The following CDH18 variants were observed in gnomAD, a reference collection of about 807,000 sequenced individuals.
CDH18 encodes cadherin 18.
CDH18 carries 31 observed loss-of-function variants against 67.9 expected under a neutral mutation model. The ratio of observed to expected loss-of-function variants is 0.46; its 90% CI spans 0.34 to 0.62. The LOEUF (loss-of-function observed/expected upper bound fraction) is 0.62. Among genes scored for constraint, CDH18 ranks in the 20% least tolerant of loss-of-function variants. CDH18 has a pLI of 0.01. For missense variants in CDH18, 890 were observed against 975.5 expected (o/e 0.91, Z 1.17); for synonymous variants, 362 against 347.2 (o/e 1.04, Z -0.48).
chr5:20,540,486 A>G (rs769330125), intron 1 of CDH18, among the ~76,000 whole-genome samples: 1 of 152,184 alleles, frequency 6.6e-6, no homozygotes, highest in African/African-American at 2.4e-5. Context: ...ATGTCTATAT[A>G]TGATGTAATA....
At chr5:19,703,228 G>A (rs1437799622) in intron 5 of CDH18, among the ~76,000 whole-genome samples, 6 of 152,082 alleles carry the variant, frequency 3.9e-5, no homozygotes, top group South Asian at 2.1e-4. Context: ...AACCTGGGTC[G>A]AAGGGTTGCC....
At chr5:19,762,173 T>C (rs957799364) in intron 3 of CDH18, among the ~76,000 whole-genome samples, 54 of 152,122 alleles carry the variant, frequency 3.5e-4, no homozygotes, top group African/African-American at 1.1e-3. Flanking sequence ...ATTCAGGACA[T>C]AGGGATGAGC....
At chr5:20,534,447 T>C (rs1214700222) in intron 1 of CDH18, among the ~76,000 whole-genome samples, 2 of 152,096 alleles carry the variant, frequency 1.3e-5, no homozygotes, top group African/African-American at 2.4e-5. Context: ...TATATACCAA[T>C]GTAGAGATAC....
At chr5:19,630,829 AG>A (rs1752320232) in intron 5 of CDH18, among the ~76,000 whole-genome samples, 1 of 152,146 alleles carries the variant, frequency 6.6e-6, no homozygotes, top group Admixed American at 6.5e-5. Flanking sequence ...ATTAGAAAAC[AG>A]GGGAAGAACC....
chr5:20,003,607 A>G, intron 2 of CDH18, among the ~76,000 whole-genome samples: 1 of 152,296 alleles, frequency 6.6e-6, no homozygotes, highest in East Asian at 1.9e-4. Flanking sequence ...TAAAATAGAC[A>G]TAATAGGCCG....
intron 5 of CDH18, among the ~76,000 whole-genome samples, chr5:19,705,543 C>A (rs1300952250): frequency 6.6e-6 from 1 of 152,126 alleles, no homozygotes; most frequent in Non-Finnish European, 1.5e-5. Flanking sequence ...GTGCATAAGA[C>A]TCAAATAGAT....
At chr5:19,610,883 T>C (rs889713151) in intron 6 of CDH18, among the ~76,000 whole-genome samples, 7 of 152,142 alleles carry the variant, frequency 4.6e-5, no homozygotes, top group Admixed American at 2.6e-4. Context: ...GACTTACCTA[T>C]GATATATACT....
At chr5:20,430,228 T>A (rs747416891) in intron 1 of CDH18, among the ~76,000 whole-genome samples, 10 of 152,198 alleles carry the variant, frequency 6.6e-5, no homozygotes, top group Non-Finnish European at 8.8e-5. Flanking sequence ...GAAGAAAGCA[T>A]GCAATCCCTA....
chr5:20,325,017 C>T (rs965286269), intron 1 of CDH18, among the ~76,000 whole-genome samples: 1 of 152,168 alleles, frequency 6.6e-6, no homozygotes, highest in African/African-American at 2.4e-5. Flanking sequence ...ATTACTTTCT[C>T]TGAGCCCAAG....
At chr5:19,478,526 T>C (rs1738873210) in intron 12 of CDH18, 1 of 152,190 alleles carries the variant, frequency 6.6e-6, no homozygotes, top group Non-Finnish European at 1.5e-5. Flanking sequence ...ACCAATTCCA[T>C]CTTCTTCTCT....
intron 2 of CDH18, among the ~76,000 whole-genome samples, chr5:20,048,206 A>T (rs1181698073): frequency 6.6e-5 from 10 of 151,682 alleles, no homozygotes. Flanking sequence ...AAATATTTAC[A>T]ATGGTGCCAT....
At chr5:19,569,018 A>G (rs1157703259) in intron 8 of CDH18, among the ~76,000 whole-genome samples, 1 of 152,044 alleles carries the variant, frequency 6.6e-6, no homozygotes, top group Non-Finnish European at 1.5e-5. Flanking sequence ...CTTGACCTCA[A>G]TTTCTCCCCC....
intron 1 of CDH18, among the ~76,000 whole-genome samples, chr5:20,473,780 C>A (rs1400690357): frequency 6.6e-6 from 1 of 151,960 alleles, no homozygotes; most frequent in Non-Finnish European, 1.5e-5. Context: ...GTTGTGGTTG[C>A]CAATCCTTGA....
chr5:20,192,271 G>C (rs1738605637), intron 2 of CDH18, among the ~76,000 whole-genome samples: 1 of 151,676 alleles, frequency 6.6e-6, no homozygotes, highest in Non-Finnish European at 1.5e-5. Context: ...CATATGGGTA[G>C]ATTGCAAAAT....
intron 5 of CDH18, among the ~76,000 whole-genome samples, chr5:19,672,255 T>A (rs955339346): frequency 6.6e-6 from 1 of 152,110 alleles, no homozygotes; most frequent in African/African-American, 2.4e-5. Flanking sequence ...GCACTACTGA[T>A]TAGCTGAGTG....
chr5:20,013,335 C>T (rs768002187), intron 2 of CDH18, among the ~76,000 whole-genome samples: 10 of 151,964 alleles, frequency 6.6e-5, no homozygotes, highest in South Asian at 2.1e-4. Context: ...CTCATTGGGA[C>T]GCTTTCTTAA....
chr5:19,834,152 A>T (rs1228910951), intron 3 of CDH18, among the ~76,000 whole-genome samples: 6 of 143,684 alleles, frequency 4.2e-5, no homozygotes, highest in Non-Finnish European at 9.1e-5. Context: ...TGGTCCTGGG[A>T]TTTTTTTTTT....
intron 8 of CDH18, among the ~76,000 whole-genome samples, chr5:19,544,324 T>C (rs1453002231): frequency 6.6e-6 from 1 of 152,064 alleles, no homozygotes; most frequent in Non-Finnish European, 1.5e-5. Flanking sequence ...GCCTATAATA[T>C]GTTTAATGAA....
At chr5:19,651,011 C>A (rs1288522066) in intron 5 of CDH18, among the ~76,000 whole-genome samples, 1 of 151,906 alleles carries the variant, frequency 6.6e-6, no homozygotes, top group African/African-American at 2.4e-5. Context: ...AAAAAGAGTA[C>A]ATTTAGTAAG....
Sources: gnomAD v4.1 joint callset for allele counts (sites outside exome capture counted in the v4.1 genomes callset) on GRCh38, gnomAD v4.1.1 for gene constraint, MANE v1.5 for transcripts, NCBI Gene and HGNC (gene_info 2026-07-23, HGNC 2026-07-21) for gene names.